SOX5: variants seen among roughly 807,000 people sequenced by gnomAD.
The protein encoded by SOX5 is SRY-box transcription factor 5.
Under a neutral mutation model 92.0 loss-of-function variants are expected in SOX5, and 9 were observed. The ratio of observed to expected loss-of-function variants is 0.10; its 90% CI spans 0.06 to 0.17. The LOEUF is 0.17. Among genes scored for constraint, SOX5 ranks in the 10% least tolerant of loss-of-function variants. The probability of loss-of-function intolerance (pLI) is 1.00; values close to 1 mark genes in which losing one functional copy is unlikely to be tolerated. For missense variants in SOX5, 642 were observed against 944.5 expected, an observed-to-expected ratio of 0.68 and a Z score of 4.20; for synonymous variants, 344 against 336.3, an observed-to-expected ratio of 1.02 and a Z score of -0.25.
At chr12:24,083,364 A>G (rs1943594209) in intron 4 of SOX5, among the ~76,000 whole-genome samples, 1 of 152,036 alleles carries the variant, frequency 6.6e-6, no homozygotes, top group Admixed American at 6.6e-5. Context: ...CTGAGCACCA[A>G]CTTTCTGCAA....
At chr12:23,872,239 C>T (rs2096882835) in intron 2 of SOX5, among the ~76,000 whole-genome samples, 1 of 143,990 alleles carries the variant, frequency 6.9e-6, no homozygotes, top group Non-Finnish European at 1.5e-5. Flanking sequence ...GTCTCGATCT[C>T]CTGACCTCGT....
chr12:24,037,972 T>C (rs1417619759), intron 4 of SOX5, among the ~76,000 whole-genome samples: 2 of 152,162 alleles, frequency 1.3e-5, no homozygotes, highest in Non-Finnish European at 2.9e-5. Flanking sequence ...GCATGAATCA[T>C]GCATGTAAAT....
At chr12:23,837,279 T>C (rs1319447025) in intron 3 of SOX5, among the ~76,000 whole-genome samples, 1 of 74,594 alleles carries the variant, frequency 1.3e-5, no homozygotes, top group Non-Finnish European at 2.4e-5. Flanking sequence ...TAATATGTAT[T>C]TATATTTATA....
At chr12:24,557,430 A>G (rs1287911793) in intron 1 of SOX5, among the ~76,000 whole-genome samples, 1 of 151,804 alleles carries the variant, frequency 6.6e-6, no homozygotes, top group South Asian at 2.1e-4. Context: ...AAAGAAAGAA[A>G]AAAAGAGGTT....
At chr12:23,963,673 A>G (rs888581726) in intron 4 of SOX5, among the ~76,000 whole-genome samples, 2 of 150,640 alleles carry the variant, frequency 1.3e-5, no homozygotes, top group African/African-American at 4.9e-5. Flanking sequence ...AGTACAAAAA[A>G]ATTGGAAGAC....
intron 4 of SOX5, among the ~76,000 whole-genome samples, chr12:24,146,298 T>C (rs1021530784): frequency 6.6e-6 from 1 of 152,146 alleles, no homozygotes; most frequent in Non-Finnish European, 1.5e-5. Flanking sequence ...CTAACTATCA[T>C]AAAAATAAAT....
At chr12:23,726,118 C>T (rs571697395) in intron 6 of SOX5, among the ~76,000 whole-genome samples, 8 of 123,642 alleles carry the variant, frequency 6.5e-5, no homozygotes, top group Admixed American at 2.4e-4. Context: ...CATACATCCC[C>T]GAGAGAGAGA....
intron 1 of SOX5, among the ~76,000 whole-genome samples, chr12:23,915,335 C>T (rs2097401710): frequency 1.3e-5 from 2 of 152,070 alleles, no homozygotes; most frequent in Admixed American, 6.6e-5. Flanking sequence ...ATCTAATTAG[C>T]TATGAGAAGC....
chr12:24,086,237 C>G (rs1315196245), intron 4 of SOX5, among the ~76,000 whole-genome samples: 1 of 151,402 alleles, frequency 6.6e-6, no homozygotes, highest in Non-Finnish European at 1.5e-5. Context: ...GTTAAGAAAC[C>G]CCTAGTTGGA....
chr12:23,611,931 A>C (rs934160130), intron 8 of SOX5, among the ~76,000 whole-genome samples: 1 of 152,060 alleles, frequency 6.6e-6, no homozygotes, highest in African/African-American at 2.4e-5. Flanking sequence ...AATTAAAAAA[A>C]AAAAAACACA....
chr12:24,003,682 T>A (rs897657911), intron 4 of SOX5, among the ~76,000 whole-genome samples: 1 of 151,564 alleles, frequency 6.6e-6, no homozygotes, highest in Admixed American at 6.6e-5. Context: ...TCCATGTTCA[T>A]AGACTGTAAA....
chr12:24,519,450 G>A (rs953446858), intron 1 of SOX5, among the ~76,000 whole-genome samples: 15 of 151,936 alleles, frequency 9.9e-5, no homozygotes, highest in Non-Finnish European at 2.2e-4. Context: ...TTTAGATAGA[G>A]TGACCAGGAA....
At chr12:23,682,923 T>A (rs1020197562) in intron 6 of SOX5, among the ~76,000 whole-genome samples, 1 of 151,882 alleles carries the variant, frequency 6.6e-6, no homozygotes, top group Non-Finnish European at 1.5e-5. Flanking sequence ...TCTAACGTTT[T>A]CAGTTCCCAT....
chr12:23,815,006 A>G (rs1225779228), intron 3 of SOX5, among the ~76,000 whole-genome samples: 1 of 152,210 alleles, frequency 6.6e-6, no homozygotes, highest in Non-Finnish European at 1.5e-5. Context: ...AAACTGCAAA[A>G]GAGTTTTCAT....
chr12:24,112,803 G>A (rs1947529295), intron 4 of SOX5, among the ~76,000 whole-genome samples: 3 of 151,854 alleles, frequency 2.0e-5, no homozygotes, highest in African/African-American at 7.3e-5. Context: ...GCCTCCCAAA[G>A]TGCTGGGGTT....
intron 3 of SOX5, among the ~76,000 whole-genome samples, chr12:23,790,622 T>G (rs1192616786): frequency 6.6e-6 from 1 of 151,560 alleles, no homozygotes; most frequent in Non-Finnish European, 1.5e-5. Flanking sequence ...TGATACATTT[T>G]CCACTATTGA....
At chr12:23,835,056 C>A (rs2096390206) in intron 3 of SOX5, among the ~76,000 whole-genome samples, 1 of 151,782 alleles carries the variant, frequency 6.6e-6, no homozygotes, top group African/African-American at 2.4e-5. Flanking sequence ...AAGTTTAAAT[C>A]AGACTCCTCA....
intron 1 of SOX5, among the ~76,000 whole-genome samples, chr12:24,552,242 A>T (rs903368774): frequency 6.6e-6 from 1 of 152,248 alleles, no homozygotes; most frequent in Non-Finnish European, 1.5e-5. Context: ...GCAGTCCAAC[A>T]ATCAGTTGTG....
At chr12:23,809,610 C>T (rs917677458) in intron 3 of SOX5, among the ~76,000 whole-genome samples, 1 of 106,642 alleles carries the variant, frequency 9.4e-6, no homozygotes, top group Non-Finnish European at 2.0e-5. Flanking sequence ...TTGAAACATA[C>T]TTTTTTATTA....
Sources: gnomAD v4.1 joint callset for allele counts (sites outside exome capture counted in the v4.1 genomes callset) on GRCh38, gnomAD v4.1.1 for gene constraint, MANE v1.5 for transcripts, NCBI Gene and HGNC (gene_info 2026-07-23, HGNC 2026-07-21) for gene names.